EYS: variants seen among roughly 807,000 people sequenced by gnomAD.
EYS encodes the protein protein eyes shut homolog.
EYS carries 250 observed loss-of-function variants against 282.1 expected under a neutral mutation model. The observed-to-expected ratio is 0.89, with a 90% CI of 0.80 to 0.98. EYS has a LOEUF of 0.98. Among genes scored for constraint, EYS ranks in the 50% least tolerant of loss-of-function variants. EYS has a pLI of 0.00. For synonymous variants in EYS, 1,355 were observed against 1,282.9 expected (o/e 1.06, Z -1.20); for missense variants, 4,016 against 3,709.0 (o/e 1.08, Z -2.15).
chr6:64,957,831 A>T (rs1446266063), intron 14 of EYS, among the ~76,000 whole-genome samples: 1 of 152,204 alleles, frequency 6.6e-6, no homozygotes, highest in East Asian at 1.9e-4. Flanking sequence ...TTTCACAGCA[A>T]AACAGAGACA....
chr6:64,189,149 C>A (rs113186614), intron 31 of EYS, among the ~76,000 whole-genome samples: 1 of 151,208 alleles, frequency 6.6e-6, no homozygotes, highest in Non-Finnish European at 1.5e-5. Context: ...GTCATCAGCA[C>A]CAGTTAAAAG....
intron 5 of EYS, among the ~76,000 whole-genome samples, chr6:65,467,245 T>C (rs988809857): frequency 1.3e-5 from 2 of 152,128 alleles, no homozygotes; most frequent in Non-Finnish European, 2.9e-5. Flanking sequence ...GCCTCACTTA[T>C]ATAACAAAAT....
chr6:64,024,607 T>G (rs546091705), intron 33 of EYS, among the ~76,000 whole-genome samples: 3 of 152,182 alleles, frequency 2.0e-5, no homozygotes, highest in South Asian at 4.2e-4. Flanking sequence ...TGCTCCTCAC[T>G]CTTTGGGTCC....
At chr6:65,277,481 T>A (rs1768081357) in intron 12 of EYS, among the ~76,000 whole-genome samples, 1 of 151,752 alleles carries the variant, frequency 6.6e-6, no homozygotes, top group Non-Finnish European at 1.5e-5. Flanking sequence ...GGAAAACTTT[T>A]TTTCCTCTTC....
intron 15 of EYS, among the ~76,000 whole-genome samples, chr6:64,913,965 G>C (rs1204100926): frequency 6.6e-6 from 1 of 152,094 alleles, no homozygotes; most frequent in South Asian, 2.1e-4. Context: ...GCTCAGTCTA[G>C]TCCTCCATCC....
rs999793687 is a variant in EYS at position 65,164,762 on chromosome 6, G to A, written c.2024-107035C>T. ...TTACTTCGGAGTGCTGTGAAAAAGA[G>A]TCGGTTTCACGGTTCTCCTAGCTTC... On this transcript the variant is annotated intron_variant, in intron 12 of 42. Coordinates refer to ENST00000503581, the MANE Select transcript of EYS (RefSeq NM_001142800.2). Among the ~76,000 whole-genome samples, 10 of 151,394 alleles carry A rather than the reference G, an allele frequency of 6.6e-5. 1 individual carries two copies. The South Asian group carries it at 8.3e-4, about 13-fold the overall frequency.
At chr6:64,950,103 G>T (rs1769433623) in intron 14 of EYS, among the ~76,000 whole-genome samples, 2 of 151,868 alleles carry the variant, frequency 1.3e-5, no homozygotes, top group Non-Finnish European at 2.9e-5. Context: ...CAAAGAAGGA[G>T]GAAGAGCAAG....
At chr6:64,752,360 A>T (rs761003932) in intron 22 of EYS, among the ~76,000 whole-genome samples, 2 of 152,074 alleles carry the variant, frequency 1.3e-5, no homozygotes, top group Non-Finnish European at 1.5e-5. Context: ...GGAATTACAA[A>T]ATATAGTTGA....
intron 26 of EYS, among the ~76,000 whole-genome samples, chr6:64,581,729 T>C (rs2149824784): frequency 6.6e-6 from 1 of 152,242 alleles, no homozygotes; most frequent in African/African-American, 2.4e-5. Flanking sequence ...CACTGAGCTA[T>C]TACATACTGT....
In EYS at chr6:65,129,607, A is replaced by T. The variant is rs182273981; in HGVS notation, c.2024-71880T>A. 4.6e-5 allele frequency among the ~76,000 whole-genome samples: 7 copies of T among 152,156 alleles called. No individual in the cohort carries two copies. The East Asian group carries it at 1.4e-3, about 29-fold the overall frequency. The stretch of plus-strand genomic sequence containing the variant: ...CAGAGAAACGAATATCAAAACCACA[A>T]TGAGATACCATCTCACACCAGTCGG... On this transcript the variant is annotated intron_variant, in intron 12 of 42. Coordinates refer to ENST00000503581, the MANE Select transcript of EYS (RefSeq NM_001142800.2).
intron 28 of EYS, among the ~76,000 whole-genome samples, chr6:64,392,779 G>A (rs944447647): frequency 6.6e-6 from 1 of 150,596 alleles, no homozygotes; most frequent in Non-Finnish European, 1.5e-5. Context: ...ACTAAAATCA[G>A]AGCAGAACTG....
At chr6:63,791,808 G>A (rs1770521396) in intron 37 of EYS, among the ~76,000 whole-genome samples, 1 of 152,128 alleles carries the variant, frequency 6.6e-6, no homozygotes, top group Non-Finnish European at 1.5e-5. Flanking sequence ...TTCTAGTAAT[G>A]TTGAGGATAG....
chr6:65,065,088 A>G (rs1773705222), intron 12 of EYS, among the ~76,000 whole-genome samples: 1 of 152,286 alleles, frequency 6.6e-6, no homozygotes, highest in East Asian at 1.9e-4. Context: ...TTTGTGACTA[A>G]GAATCTAGGC....
intron 26 of EYS, among the ~76,000 whole-genome samples, chr6:64,470,943 G>C (rs939917259): frequency 1.3e-5 from 2 of 152,090 alleles, no homozygotes; most frequent in Non-Finnish European, 2.9e-5. Context: ...AACTTCCCAA[G>C]GCTTCCAAGA....
intron 22 of EYS, among the ~76,000 whole-genome samples, chr6:64,668,593 A>AGGCTGGAGTGCAGTG (rs1408285631): frequency 1.3e-3 from 148 of 116,278 alleles, no homozygotes; most frequent in African/African-American, 4.5e-3. Flanking sequence ...TCTGTCGCCC[A>AGGCTGGAGTGCAGTG]GGCTGGAGTG....
chr6:65,659,210 T>G (rs1361266436), intron 1 of EYS, among the ~76,000 whole-genome samples: 1 of 151,700 alleles, frequency 6.6e-6, no homozygotes, highest in African/African-American at 2.4e-5. Flanking sequence ...TCCTTTATTA[T>G]TTGCTCTGCC....
chr6:64,768,172 T>C (rs1292319313), intron 22 of EYS, among the ~76,000 whole-genome samples: 1 of 152,156 alleles, frequency 6.6e-6, no homozygotes, highest in African/African-American at 2.4e-5. Context: ...GTTTGATTCA[T>C]GTATTTCAAT....
intron 19 of EYS, among the ~76,000 whole-genome samples, chr6:64,851,921 T>G (rs1765899112): frequency 6.6e-6 from 1 of 152,064 alleles, no homozygotes; most frequent in Non-Finnish European, 1.5e-5. Flanking sequence ...GAAACCCCCA[T>G]GAATAAGTTT....
chr6:64,380,023 T>A (rs1165311761), intron 29 of EYS, among the ~76,000 whole-genome samples: 1 of 152,110 alleles, frequency 6.6e-6, no homozygotes, highest in East Asian at 1.9e-4. Flanking sequence ...ATTTTTTCTA[T>A]CAACTCAAAT....
Sources: gnomAD v4.1 joint callset for allele counts (sites outside exome capture counted in the v4.1 genomes callset) on GRCh38, gnomAD v4.1.1 for gene constraint, MANE v1.5 for transcripts, NCBI Gene and HGNC (gene_info 2026-07-23, HGNC 2026-07-21) for gene names.